The following GALNT11 variants were observed in gnomAD, a reference collection of about 807,000 sequenced individuals.
GALNT11 encodes the protein polypeptide N-acetylgalactosaminyltransferase 11, also known as UDP-GalNAc:polypeptide N-acetylgalactosaminyltransferase 11.
GALNT11 carries 47 observed loss-of-function variants against 72.7 expected under a neutral mutation model. The ratio of observed to expected loss-of-function variants is 0.65; its 90% CI spans 0.51 to 0.82. The LOEUF (loss-of-function observed/expected upper bound fraction) is 0.82, where lower values mean the gene tolerates loss of function less well. Among genes scored for constraint, GALNT11 ranks in the 40% least tolerant of loss-of-function variants. The probability of loss-of-function intolerance (pLI) is 0.00; values close to 1 mark genes in which losing one functional copy is unlikely to be tolerated. For synonymous variants in GALNT11, 270 were observed against 286.6 expected (o/e 0.94, Z 0.58); for missense variants, 677 against 778.4 (o/e 0.87, Z 1.55).
chr7:152,064,513 T>A (rs2084197155), intron 1 of GALNT11, among the ~76,000 whole-genome samples: 1 of 152,214 alleles, frequency 6.6e-6, no homozygotes, highest in South Asian at 2.1e-4. Context: ...TAGCTGGTTA[T>A]TTTGCTTGTT....
chr7:152,090,680 C>G (rs963572779), intron 1 of GALNT11, among the ~76,000 whole-genome samples: 6 of 129,504 alleles, frequency 4.6e-5, no homozygotes, highest in African/African-American at 1.7e-4. Flanking sequence ...CATAGCTCTT[C>G]CCCAGATAGC....
chr7:152,046,112 G>A (rs2083106901), intron 1 of GALNT11, among the ~76,000 whole-genome samples: 1 of 151,994 alleles, frequency 6.6e-6, no homozygotes, highest in Admixed American at 6.6e-5. Context: ...AATTCTTCTT[G>A]TAATTGATTC....
At chr7:152,107,931 GGCAGTCGTGTTTCAT>G (rs1274468415) in intron 5 of GALNT11, 92 bp from the exon 6 acceptor site, 1 of 1,330,686 alleles carries the variant, frequency 7.5e-7, no homozygotes, top group African/African-American at 1.5e-5. Context: ...CTGGGAGGGT[GGCAGTCGTGTTTCAT>G]GCTGTGTCAG....
chr7:152,056,060 T>C (rs1387397163), intron 1 of GALNT11, among the ~76,000 whole-genome samples: 1 of 152,160 alleles, frequency 6.6e-6, no homozygotes, highest in Non-Finnish European at 1.5e-5. Flanking sequence ...TTTTGTCATG[T>C]GAAGGATGTT....
intron 1 of GALNT11, among the ~76,000 whole-genome samples, chr7:152,026,492 C>T (rs1245769306): frequency 6.6e-6 from 1 of 152,218 alleles, no homozygotes; most frequent in African/African-American, 2.4e-5. Context: ...TGGAATTGCA[C>T]CCTGGCAGTG....
At chr7:152,048,832 T>A (rs1334905024) in intron 1 of GALNT11, among the ~76,000 whole-genome samples, 1 of 151,784 alleles carries the variant, frequency 6.6e-6, no homozygotes, top group Non-Finnish European at 1.5e-5. Flanking sequence ...CTTTTGTCTC[T>A]TCTGACTCTG....
chr7:152,102,536 G>A (rs1274814056), intron 3 of GALNT11, among the ~76,000 whole-genome samples: 5 of 151,728 alleles, frequency 3.3e-5, no homozygotes, highest in African/African-American at 9.7e-5. Flanking sequence ...GCAAGACACC[G>A]TCTCAAAAAA....
At chr7:152,041,145 G>T (rs907516977) in intron 1 of GALNT11, among the ~76,000 whole-genome samples, 1 of 152,158 alleles carries the variant, frequency 6.6e-6, no homozygotes, top group Admixed American at 6.5e-5. Flanking sequence ...AAGGTTTCAG[G>T]TATCTTGATG....
intron 1 of GALNT11, among the ~76,000 whole-genome samples, chr7:152,048,844 A>G (rs1488530659): frequency 1.3e-5 from 2 of 151,136 alleles, no homozygotes; most frequent in Non-Finnish European, 1.5e-5. Context: ...CTGACTCTGT[A>G]TGTTCAAATG....
chr7:152,107,885 C>T, intron 5 of GALNT11, 153 bp from the exon 6 acceptor site: 2 of 780,006 alleles, frequency 2.6e-6, no homozygotes, highest in Non-Finnish European at 4.1e-6. Context: ...TGACCACCGG[C>T]AGTGAAGTGT....
chr7:152,044,850 A>T (rs770671637), intron 1 of GALNT11, among the ~76,000 whole-genome samples: 9 of 151,768 alleles, frequency 5.9e-5, no homozygotes, highest in Admixed American at 2.0e-4. Context: ...GAAAGTGGGC[A>T]TCCTTGCATT....
intron 6 of GALNT11, among the ~76,000 whole-genome samples, chr7:152,110,002 A>C (rs2088009900): frequency 6.6e-6 from 1 of 152,290 alleles, no homozygotes; most frequent in African/African-American, 2.4e-5. Flanking sequence ...TAGGTAGCAG[A>C]ATCCCAGACC....
At chr7:152,069,730 T>A (rs2084516082) in intron 1 of GALNT11, among the ~76,000 whole-genome samples, 1 of 152,214 alleles carries the variant, frequency 6.6e-6, no homozygotes, top group Non-Finnish European at 1.5e-5. Flanking sequence ...CAGCTTTCTT[T>A]TGATTTGTAA....
intron 1 of GALNT11, among the ~76,000 whole-genome samples, chr7:152,050,323 A>G (rs115256910): frequency 6.6e-6 from 1 of 152,278 alleles, no homozygotes; most frequent in African/African-American, 2.4e-5. Context: ...TTTATTCAGC[A>G]GGTGATAAAT....
At chr7:152,105,970 G>A (rs1200722531) in intron 5 of GALNT11, among the ~76,000 whole-genome samples, 1 of 151,894 alleles carries the variant, frequency 6.6e-6, no homozygotes, top group African/African-American at 2.4e-5. Flanking sequence ...AGAAATAACC[G>A]ATCTCAAATT....
intron 4 of GALNT11, 114 bp from the exon 5 acceptor site, chr7:152,105,131 G>A: frequency 9.0e-7 from 1 of 1,110,560 alleles, no homozygotes; most frequent in Non-Finnish European, 1.3e-6. Context: ...TGTAGTATTT[G>A]CTTGATAGTT....
In GALNT11 at chr7:152,100,892, C is replaced by G; in HGVS notation, c.390C>G (p.His130Gln). The change falls in exon 3 of 12, where the codon CAC becomes CAG. Residue 130 changes from histidine (H) to glutamine (Q), a missense_variant. By Grantham distance (24) the His-to-Gln change is conservative. Transcript: ENST00000430044. Reference sequence around the variant, plus strand: ...TTATCAGTGACCGCTTGGGCTACCACAGAGATGTGCCAGACACAAGGAATG... The same window carrying G: ...TTATCAGTGACCGCTTGGGCTACCAGAGAGATGTGCCAGACACAAGGAATG... ...NMLISDRLGYHRDVPDTRNAA... is the reference protein window; with the variant it reads ...NMLISDRLGYQRDVPDTRNAA... 1 of 1,614,036 alleles carries G rather than the reference C, an allele frequency of 6.2e-7. No homozygotes were observed. Among genetic ancestry groups the G allele is most frequent in the Non-Finnish European group, 8.5e-7 (1 of 1,179,960 alleles).
chr7:152,052,545 A>G (rs1170908419), intron 1 of GALNT11, among the ~76,000 whole-genome samples: 1 of 152,256 alleles, frequency 6.6e-6, no homozygotes, highest in Non-Finnish European at 1.5e-5. Context: ...GTACCTTACT[A>G]GTTGCTAAAT....
At chr7:152,113,712 CTTTTTTTTTTTTTT>C (rs6150397) in intron 8 of GALNT11, among the ~76,000 whole-genome samples, 504 of 96,706 alleles carry the variant, frequency 5.2e-3, no homozygotes, top group African/African-American at 0.022. Context: ...AGTTGGCTTT[CTTTTTTTTTTTTTT>C]TTTTTTTTTT....
Sources: gnomAD v4.1 joint callset for allele counts (sites outside exome capture counted in the v4.1 genomes callset) on GRCh38, gnomAD v4.1.1 for gene constraint, MANE v1.5 for transcripts, NCBI Gene and HGNC (gene_info 2026-07-23, HGNC 2026-07-21) for gene names.